LUZP2: variants seen among roughly 807,000 people sequenced by gnomAD.
LUZP2 encodes the protein leucine zipper protein 2.
A neutral mutation model predicts 51.6 loss-of-function variants in LUZP2; 52 were observed. That is an observed-to-expected ratio of 1.01 (90% CI 0.81 to 1.27). The LOEUF (loss-of-function observed/expected upper bound fraction) is 1.27. Among genes scored for constraint, LUZP2 ranks in the 50% most tolerant of loss-of-function variants. The probability of loss-of-function intolerance (pLI) is 0.00; values close to 1 mark genes in which losing one functional copy is unlikely to be tolerated. For synonymous variants in LUZP2, 154 were observed against 137.3 expected, an observed-to-expected ratio of 1.12 and a Z score of -0.85; for missense variants, 436 against 395.4, an observed-to-expected ratio of 1.10 and a Z score of -0.87.
At chr11:24,841,332 A>T (rs530890230) in intron 5 of LUZP2, among the ~76,000 whole-genome samples, 132 of 152,210 alleles carry the variant, frequency 8.7e-4, no homozygotes, top group African/African-American at 3.0e-3. Flanking sequence ...GTGATCTGTG[A>T]GGACTCTGAT....
chr11:24,823,971 G>A (rs2134163366), intron 5 of LUZP2, among the ~76,000 whole-genome samples: 1 of 152,128 alleles, frequency 6.6e-6, no homozygotes, highest in Non-Finnish European at 1.5e-5. Flanking sequence ...GCTGAGGCAG[G>A]AGAATGGCGT....
At chr11:24,687,485 C>T (rs1236238026) in intron 1 of LUZP2, among the ~76,000 whole-genome samples, 3 of 152,068 alleles carry the variant, frequency 2.0e-5, no homozygotes, top group Admixed American at 6.5e-5. Context: ...TTATCAGGTC[C>T]GTTTTACACA....
intron 5 of LUZP2, among the ~76,000 whole-genome samples, chr11:24,798,260 C>A (rs886543680): frequency 1.3e-5 from 2 of 151,208 alleles, no homozygotes; most frequent in South Asian, 4.2e-4. Context: ...CTCTTTTGCC[C>A]GGGTTGGAGT....
chr11:24,780,659 G>A (rs1171059019), intron 5 of LUZP2, among the ~76,000 whole-genome samples: 2 of 151,902 alleles, frequency 1.3e-5, no homozygotes, highest in African/African-American at 4.8e-5. Context: ...TACCAGACAG[G>A]GCCAGACTCC....
chr11:24,644,488 C>T (rs1855405757), intron 1 of LUZP2, among the ~76,000 whole-genome samples: 1 of 151,726 alleles, frequency 6.6e-6, no homozygotes, highest in South Asian at 2.1e-4. Flanking sequence ...TTTCCAACCT[C>T]TCTTTTTTTT....
At chr11:24,765,927 AT>A (rs1356613898) in intron 5 of LUZP2, among the ~76,000 whole-genome samples, 1 of 151,732 alleles carries the variant, frequency 6.6e-6, no homozygotes, top group African/African-American at 2.4e-5. Context: ...CACCCGGCCA[AT>A]TTTTGCATTT....
chr11:24,781,568 G>C (rs1283720427), intron 5 of LUZP2, among the ~76,000 whole-genome samples: 1 of 99,682 alleles, frequency 1.0e-5, no homozygotes, highest in Non-Finnish European at 2.1e-5. Flanking sequence ...TGTGTTTCAT[G>C]ATTTTTTATA....
chr11:25,062,087 A>G (rs1020219383), intron 10 of LUZP2, among the ~76,000 whole-genome samples: 2 of 151,422 alleles, frequency 1.3e-5, no homozygotes, highest in Admixed American at 6.6e-5. Context: ...AAGGAAAAAC[A>G]AAAAACGAAA....
At chr11:24,812,238 T>TTTC (rs1850044481) in intron 5 of LUZP2, among the ~76,000 whole-genome samples, 3 of 152,184 alleles carry the variant, frequency 2.0e-5, no homozygotes, top group Admixed American at 1.3e-4. Context: ...TTCATCCATA[T>TTTC]TTCTATGAAT....
chr11:25,024,057 T>C (rs1857415250), intron 9 of LUZP2, among the ~76,000 whole-genome samples: 1 of 152,296 alleles, frequency 6.6e-6, no homozygotes, highest in East Asian at 1.9e-4. Context: ...CTTCCAACTA[T>C]GTGGTCAGTT....
At chr11:24,533,615 T>G (rs1331461403) in intron 1 of LUZP2, among the ~76,000 whole-genome samples, 1 of 151,310 alleles carries the variant, frequency 6.6e-6, no homozygotes, top group Non-Finnish European at 1.5e-5. Flanking sequence ...AAACTTATCC[T>G]TGCTACTTCT....
In LUZP2 at chr11:24,601,869, TATGTATAC is replaced by T. The variant is rs952248540; in HGVS notation, c.62+104572_62+104579del. On this transcript the variant is annotated intron_variant, in intron 1 of 11. Transcript: ENST00000336930. ...ACAGGTATATATATATATATGTGTA[TATGTATAC>T]ATGTATATATGTATATATGTATATA... is the stretch of plus-strand genomic sequence containing the variant. Among the ~76,000 whole-genome samples, 3 of 102,184 alleles carry T rather than the reference TATGTATAC, an allele frequency of 2.9e-5. 1 individual carries two copies. The highest frequency in any genetic ancestry group is 1.0e-4 in the African/African-American group (3 of 29,334). The allele number at this position is 102,184 out of a possible 152,430, so 67.0% of individuals were successfully genotyped here.
chr11:24,556,739 C>G (rs1183476166), intron 1 of LUZP2, among the ~76,000 whole-genome samples: 1 of 152,162 alleles, frequency 6.6e-6, no homozygotes, highest in African/African-American at 2.4e-5. Flanking sequence ...ATGATGATCT[C>G]TGTCCTATAC....
intron 7 of LUZP2, among the ~76,000 whole-genome samples, chr11:24,946,609 AT>A (rs1854908819): frequency 6.6e-6 from 1 of 151,912 alleles, no homozygotes; most frequent in Non-Finnish European, 1.5e-5. Context: ...TTATACCTAT[AT>A]AGCTCCTTTG....
At chr11:24,838,677 T>A (rs1850933081) in intron 5 of LUZP2, among the ~76,000 whole-genome samples, 1 of 151,676 alleles carries the variant, frequency 6.6e-6, no homozygotes. Context: ...CCCCAAGTTA[T>A]GAAATTAAGC....
chr11:25,012,863 A>G (rs1857023447), intron 9 of LUZP2, among the ~76,000 whole-genome samples: 1 of 152,208 alleles, frequency 6.6e-6, no homozygotes, highest in African/African-American at 2.4e-5. Context: ...TAGGCATCGC[A>G]CTACTGGGTA....
At chr11:24,845,536 G>T (rs909583950) in intron 5 of LUZP2, among the ~76,000 whole-genome samples, 1 of 152,026 alleles carries the variant, frequency 6.6e-6, no homozygotes, top group Admixed American at 6.6e-5. Context: ...TTTGGGAGGG[G>T]CCAGAGGCAG....
At chr11:24,723,333 T>C (rs951064731) in intron 1 of LUZP2, among the ~76,000 whole-genome samples, 1 of 152,210 alleles carries the variant, frequency 6.6e-6, no homozygotes, top group Non-Finnish European at 1.5e-5. Context: ...GTAGAACATA[T>C]GCGTGCTTTA....
At chr11:24,590,318 A>G (rs1006079113) in intron 1 of LUZP2, among the ~76,000 whole-genome samples, 1 of 152,124 alleles carries the variant, frequency 6.6e-6, no homozygotes, top group Admixed American at 6.6e-5. Flanking sequence ...ATATTTACGG[A>G]GTACAATTTG....
Sources: gnomAD v4.1 joint callset for allele counts (sites outside exome capture counted in the v4.1 genomes callset) on GRCh38, gnomAD v4.1.1 for gene constraint, MANE v1.5 for transcripts, NCBI Gene and HGNC (gene_info 2026-07-23, HGNC 2026-07-21) for gene names.